The following TOX3 variants were observed in gnomAD, a reference collection of about 807,000 sequenced individuals.
TOX3 encodes the protein TOX high mobility group box family member 3, also known as CAG trinucleotide repeat-containing gene F9 protein.
In TOX3, 22 loss-of-function variants were observed where a neutral mutation model predicts 64.3. The observed-to-expected ratio is 0.34, with a 90% CI of 0.24 to 0.49. The LOEUF (loss-of-function observed/expected upper bound fraction) is 0.49. TOX3 is among the 20% of genes least tolerant of loss of function. The pLI is 0.99. For synonymous variants in TOX3, 291 were observed against 273.6 expected (o/e 1.06, Z -0.63); for missense variants, 661 against 714.4 (o/e 0.93, Z 0.85).
intron 1 of TOX3, among the ~76,000 whole-genome samples, chr16:52,499,905 ATC>A (rs1252169121): frequency 6.6e-6 from 1 of 152,182 alleles, no homozygotes; most frequent in Non-Finnish European, 1.5e-5. Flanking sequence ...AGAGTGTACA[ATC>A]TGAGAAGAGC....
At chr16:52,480,148 A>C (rs1211626391) in intron 1 of TOX3, among the ~76,000 whole-genome samples, 2 of 152,296 alleles carry the variant, frequency 1.3e-5, no homozygotes, top group East Asian at 1.9e-4. Context: ...TTGATAATGC[A>C]ATGGCCTCAG....
intron 1 of TOX3, among the ~76,000 whole-genome samples, chr16:52,509,695 T>C (rs1962250244): frequency 6.6e-6 from 1 of 152,212 alleles, no homozygotes; most frequent in Non-Finnish European, 1.5e-5. Context: ...TGGCCTAATG[T>C]GTATGCTTAT....
chr16:52,519,630 A>G lies in TOX3; in HGVS notation c.87+27007T>C. On this transcript the variant is annotated intron_variant, in intron 1 of 6. Transcript: ENST00000219746. ...ATGGTTGGGCAATCAGCTATTTGTC[A>G]CACTGAGAAGACATCACTTCTTACC... 16 of 1,395,238 alleles carry G rather than the reference A, an allele frequency of 1.1e-5. No individual in the cohort carries two copies. In the South Asian group the frequency reaches 2.5e-4, roughly 21 times the overall value. 86.4% of individuals were successfully genotyped at this position (1,395,238 alleles called of 1,614,324 possible). A position where few individuals can be genotyped will look rare whatever the true frequency, so the allele number is the denominator to read the frequency against.
chr16:52,506,353 A>C (rs138050470), intron 1 of TOX3, among the ~76,000 whole-genome samples: 8 of 152,328 alleles, frequency 5.3e-5, no homozygotes, highest in African/African-American at 1.9e-4. Context: ...CAAGGTGAAG[A>C]AAGAGGATAG....
chr16:52,547,050 G>A lies in TOX3; in HGVS notation c.-327C>T, dbSNP rs192869300. The A allele has an allele frequency of 2.9e-3, 2,024 of 693,178 alleles. 6 individuals carry two copies. Among genetic ancestry groups the A allele is most frequent in the Non-Finnish European group, 3.4e-3 (1,912 of 565,250 alleles). 42.9% of individuals were successfully genotyped at this position (693,178 alleles called of 1,614,324 possible). A position where few individuals can be genotyped will look rare whatever the true frequency, so the allele number is the denominator to read the frequency against. On this transcript the variant is annotated 5_prime_UTR_variant, in exon 1 of 7. Coordinates refer to ENST00000219746, the MANE Select transcript of TOX3 (RefSeq NM_001080430.4). Reference sequence around the variant, plus strand: ...CCGGGTCGGCGAGGCGAGTTCAGGTGCGCTGGGCGAGGCTGGGACGGCGGC... The same window carrying A: ...CCGGGTCGGCGAGGCGAGTTCAGGTACGCTGGGCGAGGCTGGGACGGCGGC...
At chr16:52,508,014 G>A (rs1422641674) in intron 1 of TOX3, among the ~76,000 whole-genome samples, 1 of 152,196 alleles carries the variant, frequency 6.6e-6, no homozygotes, top group Admixed American at 6.5e-5. Context: ...TACTGAAGAT[G>A]TTTAATATTT....
chr16:52,449,627 C>CA (rs1960273400), intron 4 of TOX3, among the ~76,000 whole-genome samples: 1 of 152,218 alleles, frequency 6.6e-6, no homozygotes, highest in African/African-American at 2.4e-5. Flanking sequence ...AAGAACCAAA[C>CA]AAAATGCCAA....
chr16:52,518,341 T>C (rs1474772798), intron 1 of TOX3, among the ~76,000 whole-genome samples: 1 of 152,198 alleles, frequency 6.6e-6, no homozygotes, highest in Non-Finnish European at 1.5e-5. Context: ...CTGTATAAAT[T>C]TGATCCTGTT....
intron 1 of TOX3, among the ~76,000 whole-genome samples, chr16:52,474,293 C>T (rs751650927): frequency 1.3e-5 from 2 of 152,134 alleles, no homozygotes; most frequent in Non-Finnish European, 2.9e-5. Context: ...TTGGGATCCA[C>T]CCAGGCCGAA....
chr16:52,475,674 A>G lies in TOX3; in HGVS notation c.88-7100T>C, dbSNP rs148871869. The G allele has an allele frequency of 2.1e-3, 324 of 152,316 alleles. 1 individual carries two copies. The highest frequency in any genetic ancestry group is 7.3e-3 in the African/African-American group (302 of 41,582). 9.4% of individuals were successfully genotyped at this position (152,316 alleles called of 1,614,324 possible). On this transcript the variant is annotated intron_variant, in intron 1 of 6. Transcript: ENST00000219746. The stretch of plus-strand genomic sequence containing the variant: ...AGAGAGAACCAACAGCATAAAGTCA[A>G]TGGGGGCAAGGATTCAAGTGTTAGA...
rs1257538883 is a variant in TOX3 at position 52,438,279 on chromosome 16, A to G, written c.*946T>C. 6.5e-6 allele frequency: 1 copy of G among 152,688 alleles called. No individual in the cohort carries two copies. The highest frequency in any genetic ancestry group is 2.4e-5 in the African/African-American group (1 of 41,478). 9.5% of individuals were successfully genotyped at this position (152,688 alleles called of 1,614,324 possible). A position where few individuals can be genotyped will look rare whatever the true frequency, so the allele number is the denominator to read the frequency against. ...CTCATTTAGGAAAACTTTACAGCAC[A>G]TGATATGAAAACTTACAACTTTGAA... is the stretch of plus-strand genomic sequence containing the variant. On this transcript the variant is annotated 3_prime_UTR_variant, in exon 7 of 7. Transcript: ENST00000219746.
rs747352952 is a variant in TOX3, at chr16:52,439,235, C to G, written c.1721G>C (p.Ser574Thr). 1 of 1,613,926 alleles carries G rather than the reference C, an allele frequency of 6.2e-7. No individual in the cohort carries two copies. Among genetic ancestry groups the G allele is most frequent in the Non-Finnish European group, 8.5e-7 (1 of 1,179,864 alleles). Reference sequence around the variant, plus strand: ...CTGCCATATGCGTCTTCAGAAAATACTGACCTGCGATAATACTTGAGTCTG... The same window carrying G: ...CTGCCATATGCGTCTTCAGAAAATAGTGACCTGCGATAATACTTGAGTCTG... Reference protein sequence around the residue: ...QTQTQVLSQVSIF With the variant: ...QTQTQVLSQVTIF The change falls in exon 7 of 7, where the codon AGT becomes ACT. Residue 574 changes from serine to threonine, a missense_variant. By Grantham distance (58) the Ser-to-Thr change is moderately conservative (BLOSUM62 1). Transcript: ENST00000219746.
intron 1 of TOX3, among the ~76,000 whole-genome samples, chr16:52,504,238 A>G (rs1267880977): frequency 3.3e-5 from 5 of 152,054 alleles, no homozygotes; most frequent in Non-Finnish European, 5.9e-5. Flanking sequence ...TGGCTGAGGC[A>G]GGCGGATCAC....
intron 1 of TOX3, among the ~76,000 whole-genome samples, chr16:52,504,009 A>G (rs1475806022): frequency 6.6e-6 from 1 of 152,206 alleles, no homozygotes; most frequent in Non-Finnish European, 1.5e-5. Context: ...CTACAGCATG[A>G]GATGAGATAT....
chr16:52,517,708 A>G (rs541059342), intron 1 of TOX3, among the ~76,000 whole-genome samples: 2 of 152,252 alleles, frequency 1.3e-5, no homozygotes, highest in South Asian at 2.1e-4. Context: ...AACTATTGCA[A>G]TCTGATCAGA....
intron 1 of TOX3, among the ~76,000 whole-genome samples, chr16:52,499,797 G>A (rs966852333): frequency 2.6e-5 from 4 of 152,198 alleles, no homozygotes; most frequent in Non-Finnish European, 5.9e-5. Flanking sequence ...GGTGAACACA[G>A]AAGCTGCTGA....
chr16:52,474,575 C>A (rs1293164846), intron 1 of TOX3, among the ~76,000 whole-genome samples: 4 of 151,210 alleles, frequency 2.6e-5, no homozygotes, highest in Non-Finnish European at 5.9e-5. Context: ...TATGACTCTG[C>A]CACTGCACTC....
At chr16:52,446,584 A>G (rs1310161561) in intron 4 of TOX3, among the ~76,000 whole-genome samples, 1 of 152,158 alleles carries the variant, frequency 6.6e-6, no homozygotes, top group Admixed American at 6.5e-5. Context: ...TAGAAGTAAA[A>G]CCTAAATAAT....
intron 6 of TOX3, among the ~76,000 whole-genome samples, chr16:52,443,949 A>G (rs188133192): frequency 2.0e-4 from 30 of 152,310 alleles, no homozygotes; most frequent in African/African-American, 6.7e-4. Context: ...CATACCTCCC[A>G]GTTTAAACAG....
Sources: gnomAD v4.1 joint callset for allele counts (sites outside exome capture counted in the v4.1 genomes callset) on GRCh38, gnomAD v4.1.1 for gene constraint, MANE v1.5 for transcripts, NCBI Gene and HGNC (gene_info 2026-07-23, HGNC 2026-07-21) for gene names.